PCGF2: variants seen among roughly 807,000 people sequenced by gnomAD.
The protein encoded by PCGF2 is polycomb group RING finger protein 2.
Under a neutral mutation model 36.1 loss-of-function variants are expected in PCGF2, and 8 were observed. The ratio of observed to expected loss-of-function variants is 0.22; its 90% CI spans 0.13 to 0.40. The LOEUF (loss-of-function observed/expected upper bound fraction) is 0.40. Among genes scored for constraint, PCGF2 ranks in the 10% least tolerant of loss-of-function variants. The pLI, the probability that PCGF2 is intolerant of heterozygous loss-of-function variation, is 1.00. For synonymous variants in PCGF2, 198 were observed against 191.2 expected, an observed-to-expected ratio of 1.04 and a Z score of -0.29; for missense variants, 436 against 475.9, an observed-to-expected ratio of 0.92 and a Z score of 0.78.
chr17:38,749,128 G>A (rs1598025169), upstream of PCGF2, among the ~76,000 whole-genome samples: 2 of 152,368 alleles, frequency 1.3e-5, no homozygotes, highest in African/African-American at 4.8e-5. This position sits in a 1 kb window ranked among gnomAD's most constrained non-coding sequence, Gnocchi z 6.5. Flanking sequence ...CTCAGGCTCC[G>A]GGTCTGGGAC....
chr17:38,738,016 T>C (rs1484621612), intron 9 of PCGF2, among the ~76,000 whole-genome samples: 1 of 152,078 alleles, frequency 6.6e-6, no homozygotes, highest in Non-Finnish European at 1.5e-5. Context: ...TGAAAAGCTA[T>C]GTCCTGGAGC....
upstream of PCGF2, among the ~76,000 whole-genome samples, chr17:38,748,614 C>T (rs75928767): frequency 9.8e-3 from 1,490 of 152,254 alleles, 5 homozygotes; most frequent in Non-Finnish European, 0.017. Context: ...GATGGATTCT[C>T]TTATGTTACC....
intron 2 of PCGF2, among the ~76,000 whole-genome samples, chr17:38,742,169 C>T (rs1245149771): frequency 6.6e-6 from 1 of 152,178 alleles, no homozygotes; most frequent in African/African-American, 2.4e-5. Flanking sequence ...AGAAATCAAA[C>T]CAAACCTGCA....
Position 38,739,171 on chromosome 17 carries a change from AG to A in PCGF2, c.265+26del. 6.2e-7 allele frequency: 1 copy of A among 1,613,964 alleles called. No individual in the cohort carries two copies. The highest frequency in any genetic ancestry group is 8.5e-7 in the Non-Finnish European group (1 of 1,179,828). On this transcript the variant is annotated intron_variant, in intron 5 of 10. Coordinates refer to ENST00000620225, the MANE Select transcript of PCGF2 (RefSeq NM_007144.3). The surrounding 1 kb of genome is among the most constrained non-coding windows in gnomAD (Gnocchi z 4.0). ...GGGCCATGGGTTGGGAAATGGGGTC[AG>A]TGGAGGAGGAATGGAGTGCAGATAC... is the stretch of plus-strand genomic sequence containing the variant.
At chr17:38,738,510 A>G (rs758425078) in intron 8 of PCGF2, 31 bp downstream of exon 8, 1 of 1,612,388 alleles carries the variant, frequency 6.2e-7, no homozygotes, top group Admixed American at 1.7e-5. Flanking sequence ...CCCAGCCCAC[A>G]TTCCAGTCCT....
rs1173279566 is a variant in PCGF2, at chr17:38,739,495, C to T, written c.209+91G>A. ...CACCCCATGCTTCTCCTACACCTGC[C>T]GCCTTGGCTGAAGGAAGCACGGAGC... is the stretch of plus-strand genomic sequence containing the variant. On this transcript the variant is annotated intron_variant, in intron 4 of 10. Coordinates refer to ENST00000620225, the MANE Select transcript of PCGF2 (RefSeq NM_007144.3). The surrounding 1 kb of genome is among the most constrained non-coding windows in gnomAD (Gnocchi z 4.0). 44 of 1,099,764 alleles carry T rather than the reference C, an allele frequency of 4.0e-5. No individual in the cohort carries two copies. Among genetic ancestry groups the T allele is most frequent in the South Asian group, 2.5e-4 (20 of 80,566 alleles). The allele number at this position is 1,099,764 out of a possible 1,614,324, so 68.1% of individuals were successfully genotyped here.
Position 38,741,902 on chromosome 17 carries a change from C to T in PCGF2, c.-40-1460G>A, listed in dbSNP as rs141780754. Among the ~76,000 whole-genome samples the T allele has an allele frequency of 2.8e-3, 430 of 152,184 alleles. 4 individuals are homozygous for T. Among genetic ancestry groups the T allele is most frequent in the African/African-American group, 0.01 (415 of 41,490 alleles). ...ACAAGCACACAGGGTCCAGGAACCC[C>T]CCTTTCATACACAATGCAGGAATCC... is the stretch of plus-strand genomic sequence containing the variant. On this transcript the variant is annotated intron_variant, in intron 2 of 10. Transcript: ENST00000620225.
At chr17:38,747,632 A>G (rs1907623061) in intron 2 of PCGF2, among the ~76,000 whole-genome samples, 3 of 151,666 alleles carry the variant, frequency 2.0e-5, no homozygotes, top group Middle Eastern at 3.4e-3. Flanking sequence ...GAGGACCCGG[A>G]CCCCGGCGGG....
intron 2 of PCGF2, among the ~76,000 whole-genome samples, chr17:38,745,361 C>T (rs1460884362): frequency 2.6e-5 from 4 of 151,686 alleles, no homozygotes; most frequent in Non-Finnish European, 5.9e-5. Context: ...CAAAAATTAG[C>T]GGAGCATGGT....
At chr17:38,736,659 C>T (rs1159901740) in intron 9 of PCGF2, among the ~76,000 whole-genome samples, 1 of 151,876 alleles carries the variant, frequency 6.6e-6, no homozygotes, top group Non-Finnish European at 1.5e-5. Context: ...GTGGTGAAAC[C>T]CCGTCTCTAC....
Position 38,735,396 on chromosome 17 carries a change from TG to T in PCGF2, c.861del (p.Ser288ValfsTer31). 1 of 1,569,210 alleles carries T rather than the reference TG, an allele frequency of 6.4e-7. No homozygotes were observed. Among genetic ancestry groups the T allele is most frequent in the Middle Eastern group, 1.7e-4 (1 of 6,004 alleles). On this transcript the variant is annotated frameshift_variant, in exon 11 of 11. Transcript: ENST00000620225. LOFTEE classifies it high-confidence loss of function. ...PSPATPSHGS[P>X]SSHGPPATHP... ...TGGGTGGCTGGAGGCCCATGGGAACTGGGAGAGCCATGGGATGGGGTGGCTG... is the reference window on the plus strand; with the variant it reads ...TGGGTGGCTGGAGGCCCATGGGAACTGGAGAGCCATGGGATGGGGTGGCTG...
At chr17:38,744,856 T>C (rs1230904597) in intron 2 of PCGF2, among the ~76,000 whole-genome samples, 1 of 152,170 alleles carries the variant, frequency 6.6e-6, no homozygotes, top group African/African-American at 2.4e-5. Flanking sequence ...CTCCAGGTCT[T>C]GGGAAAAGTC....
rs529065718 is a variant in PCGF2 at position 38,736,650 on chromosome 17, T to C, written c.577-480A>G. The stretch of plus-strand genomic sequence containing the variant: ...GAGATCGAGACCATCCTGGCTAACG[T>C]GGTGAAACCCCGTCTCTACTAAAAA... On this transcript the variant is annotated intron_variant, in intron 9 of 10. Coordinates refer to ENST00000620225, the MANE Select transcript of PCGF2 (RefSeq NM_007144.3). Among the ~76,000 whole-genome samples the C allele has an allele frequency of 3.0e-3, 449 of 151,540 alleles. 6 individuals are homozygous for C. Among genetic ancestry groups the C allele is most frequent in the Middle Eastern group, 0.017 (5 of 292 alleles).
At position 38,734,918 on chromosome 17, in the gene PCGF2, C is replaced by G. The variant is rs1257579320; in HGVS notation, c.*305G>C. ...GTGGCCCATCCAGTTCATCTCCAGGCACCCCCAAAAACAGCAAATTACACA... is the reference window on the plus strand; with the variant it reads ...GTGGCCCATCCAGTTCATCTCCAGGGACCCCCAAAAACAGCAAATTACACA... On this transcript the variant is annotated 3_prime_UTR_variant, in exon 11 of 11. Coordinates refer to ENST00000620225, the MANE Select transcript of PCGF2 (RefSeq NM_007144.3). 2 of 237,232 alleles carry G rather than the reference C, an allele frequency of 8.4e-6. No homozygotes were observed. Among genetic ancestry groups the G allele is most frequent in the Non-Finnish European group, 1.6e-5 (2 of 125,270 alleles). The allele number at this position is 237,232 out of a possible 1,614,324, so 14.7% of individuals were successfully genotyped here.
chr17:38,735,886 C>G (rs1906676522), intron 10 of PCGF2, among the ~76,000 whole-genome samples: 1 of 151,986 alleles, frequency 6.6e-6, no homozygotes, highest in African/African-American at 2.4e-5. Context: ...CACCGTCTGC[C>G]CAGGGAGCCT....
At chr17:38,747,291 AGGGCGTGCGCAGGGTGGGGTGGCT>A (rs1444833039) in intron 2 of PCGF2, among the ~76,000 whole-genome samples, 10 of 151,968 alleles carry the variant, frequency 6.6e-5, no homozygotes, top group African/African-American at 2.4e-5. Context: ...TAGCAGTAGG[AGGGCGTGCGCAGGGTGGGGTGGCT>A]GGGCGTCCCA....
Position 38,739,014 on chromosome 17 carries a change from C to T in PCGF2, c.316+54G>A, listed in dbSNP as rs1421831308. 4 of 1,603,494 alleles carry T rather than the reference C, an allele frequency of 2.5e-6. No homozygotes were observed. The highest frequency in any genetic ancestry group is 3.4e-6 in the Non-Finnish European group (4 of 1,172,144). On this transcript the variant is annotated intron_variant, in intron 6 of 10. Coordinates refer to ENST00000620225, the MANE Select transcript of PCGF2 (RefSeq NM_007144.3). This position sits in a 1 kb window ranked among gnomAD's most constrained non-coding sequence, Gnocchi z 4.0. ...GAGGGTGAGGGGTAGCGCTACACACCTACATGGTCCCAGGCAAGACTGTGC... is the reference window on the plus strand; with the variant it reads ...GAGGGTGAGGGGTAGCGCTACACACTTACATGGTCCCAGGCAAGACTGTGC...
rs377102012 is a variant in PCGF2, at chr17:38,736,213, G to A, written c.577-43C>T. The A allele has an allele frequency of 3.1e-5, 41 of 1,331,520 alleles. 1 individual carries two copies. The highest frequency in any genetic ancestry group is 1.4e-4 in the South Asian group (11 of 79,858). 82.5% of individuals were successfully genotyped at this position (1,331,520 alleles called of 1,614,324 possible). A position where few individuals can be genotyped will look rare whatever the true frequency, so the allele number is the denominator to read the frequency against. On this transcript the variant is annotated intron_variant, in intron 9 of 10. Coordinates refer to ENST00000620225, the MANE Select transcript of PCGF2 (RefSeq NM_007144.3). ...AGGACACCATGACCCTGGCCAGCTC[G>A]GGGCTCCAGGCTGGGAATGTGGGGG... is the stretch of plus-strand genomic sequence containing the variant.
At chr17:38,740,834 C>CA (rs1309133848) in intron 2 of PCGF2, among the ~76,000 whole-genome samples, 1 of 152,122 alleles carries the variant, frequency 6.6e-6, no homozygotes, top group Non-Finnish European at 1.5e-5. Context: ...CCCCCACCAG[C>CA]ACATCTCTCC....
Sources: allele counts gnomAD v4.1 joint callset (sites outside exome capture counted in the v4.1 genomes callset), GRCh38; gene constraint gnomAD v4.1.1; non-coding constraint Gnocchi (gnomAD v3.1); transcripts MANE v1.5; gene names NCBI Gene and HGNC (gene_info 2026-07-23, HGNC 2026-07-21).